The following DIP2C variants were observed in gnomAD, a reference collection of about 807,000 sequenced individuals.
The protein encoded by DIP2C is disco-interacting protein 2 homolog C.
Under a neutral mutation model 192.4 loss-of-function variants are expected in DIP2C, and 33 were observed. The observed-to-expected ratio is 0.17, with a 90% CI of 0.13 to 0.23. The LOEUF (loss-of-function observed/expected upper bound fraction) is 0.23, where lower values mean the gene tolerates loss of function less well. Ranked by LOEUF, DIP2C falls within the 10% of genes least tolerant of loss-of-function variation. The pLI, the probability that DIP2C is intolerant of heterozygous loss-of-function variation, is 1.00. For missense variants in DIP2C, 1,537 were observed against 2,110.1 expected (o/e 0.73, Z 5.32); for synonymous variants, 979 against 864.1 (o/e 1.13, Z -2.33).
At chr10:484,102 C>T (rs955525964) in intron 2 of DIP2C, among the ~76,000 whole-genome samples, 5 of 152,220 alleles carry the variant, frequency 3.3e-5, no homozygotes, top group African/African-American at 1.2e-4. Context: ...AGCCACCACC[C>T]CCGGCCTTGT....
At chr10:341,571 G>A (rs574606038) in intron 28 of DIP2C, among the ~76,000 whole-genome samples, 8 of 150,916 alleles carry the variant, frequency 5.3e-5, no homozygotes, top group African/African-American at 7.3e-5. Flanking sequence ...TGAACGCATC[G>A]GGCCTGACAC....
At chr10:427,054 A>G (rs1329648427) in intron 4 of DIP2C, among the ~76,000 whole-genome samples, 1 of 152,248 alleles carries the variant, frequency 6.6e-6, no homozygotes, top group Non-Finnish European at 1.5e-5. Flanking sequence ...AGCTAATGTA[A>G]TAAATTACCT....
At chr10:560,587 ATAACT>A (rs1273574752) in intron 1 of DIP2C, among the ~76,000 whole-genome samples, 5 of 152,216 alleles carry the variant, frequency 3.3e-5, no homozygotes, top group Admixed American at 2.0e-4. Flanking sequence ...CTGTTTGCTG[ATAACT>A]TAATAATTAA....
At chr10:299,037 G>C (rs986104952) in intron 32 of DIP2C, among the ~76,000 whole-genome samples, 1 of 152,212 alleles carries the variant, frequency 6.6e-6, no homozygotes, top group Non-Finnish European at 1.5e-5. Context: ...TAGTAAGCTT[G>C]CAAGAATGAA....
chr10:309,194 G>A (rs142973640), intron 32 of DIP2C, among the ~76,000 whole-genome samples: 1 of 152,056 alleles, frequency 6.6e-6, no homozygotes, highest in African/African-American at 2.4e-5. Flanking sequence ...TGGCATCTTA[G>A]TGGGTCCTCC....
chr10:346,467 AT>A (rs1958462780), intron 26 of DIP2C, among the ~76,000 whole-genome samples: 2 of 99,866 alleles, frequency 2.0e-5, no homozygotes, highest in Non-Finnish European at 1.9e-5. Flanking sequence ...ACCCAGACAC[AT>A]CGCGCATAGT....
chr10:526,959 A>AC (rs1847091661), intron 1 of DIP2C, among the ~76,000 whole-genome samples: 1 of 152,080 alleles, frequency 6.6e-6, no homozygotes, highest in Non-Finnish European at 1.5e-5. Context: ...CTGTTTAGAA[A>AC]CCACACACTT....
intron 1 of DIP2C, among the ~76,000 whole-genome samples, chr10:548,163 AT>A (rs1253596804): frequency 6.9e-6 from 1 of 144,256 alleles, no homozygotes; most frequent in East Asian, 2.1e-4. Flanking sequence ...TAAAACAAGG[AT>A]TCCTGGAAGC....
chr10:292,630 C>T (rs147818461), intron 32 of DIP2C, among the ~76,000 whole-genome samples: 73 of 152,364 alleles, frequency 4.8e-4, no homozygotes, highest in Middle Eastern at 6.8e-3. Flanking sequence ...GGAACGAATG[C>T]ATGGCTGTCA....
intron 29 of DIP2C, among the ~76,000 whole-genome samples, chr10:338,677 TG>T (rs1564578645): frequency 1.3e-5 from 2 of 152,290 alleles, no homozygotes; most frequent in East Asian, 3.9e-4. Flanking sequence ...CTGGCCGCAC[TG>T]ATTTCTAATT....
intron 26 of DIP2C, among the ~76,000 whole-genome samples, chr10:347,756 T>C (rs71492994): frequency 1.1e-4 from 7 of 66,370 alleles, no homozygotes; most frequent in Admixed American, 3.7e-4. Context: ...AAACCCTACA[T>C]ACACCCAACC....
chr10:672,395 T>C (rs1298772022), intron 1 of DIP2C, among the ~76,000 whole-genome samples: 3 of 152,180 alleles, frequency 2.0e-5, no homozygotes, highest in African/African-American at 7.2e-5. Context: ...GTCCCGGCCA[T>C]GCACTGTCCA....
intron 1 of DIP2C, chr10:662,803 T>C (rs1263467290): frequency 8.4e-6 from 6 of 714,326 alleles, no homozygotes; most frequent in Non-Finnish European, 1.6e-5. Flanking sequence ...GAACCAAAAC[T>C]GTGGCAGGCC....
intron 33 of DIP2C, 23 bp downstream of exon 33, chr10:288,341 G>T: frequency 6.2e-7 from 1 of 1,609,556 alleles, no homozygotes; most frequent in Non-Finnish European, 8.5e-7. Flanking sequence ...ACAGAAATGC[G>T]TGCCTCTTCC....
chr10:493,657 C>A (rs1479799434), intron 1 of DIP2C, among the ~76,000 whole-genome samples: 6 of 152,146 alleles, frequency 3.9e-5, no homozygotes, highest in African/African-American at 1.2e-4. Context: ...GAGGGAGAGA[C>A]CCCCTCAGAG....
At chr10:433,394 G>A (rs1488069483) in intron 4 of DIP2C, among the ~76,000 whole-genome samples, 1 of 152,136 alleles carries the variant, frequency 6.6e-6, no homozygotes, top group Non-Finnish European at 1.5e-5. Flanking sequence ...TAAAATTAGT[G>A]TTGGCTGGGC....
At chr10:478,731 A>C (rs1223303221) in intron 2 of DIP2C, among the ~76,000 whole-genome samples, 1 of 151,502 alleles carries the variant, frequency 6.6e-6, no homozygotes, top group African/African-American at 2.4e-5. Flanking sequence ...CTGGGGGTGT[A>C]GACACATCCA....
intron 17 of DIP2C, among the ~76,000 whole-genome samples, chr10:382,145 T>A (rs1962426397): frequency 6.6e-6 from 1 of 152,208 alleles, no homozygotes; most frequent in African/African-American, 2.4e-5. Flanking sequence ...GCACTCTGAA[T>A]TTACCTACTT....
intron 10 of DIP2C, among the ~76,000 whole-genome samples, chr10:398,343 T>C (rs1313775047): frequency 6.6e-6 from 1 of 152,238 alleles, no homozygotes; most frequent in Non-Finnish European, 1.5e-5. Context: ...TTCAGGGCTT[T>C]AGATAAACTC....
Sources: gnomAD v4.1 joint callset for allele counts (sites outside exome capture counted in the v4.1 genomes callset) on GRCh38, gnomAD v4.1.1 for gene constraint, MANE v1.5 for transcripts, NCBI Gene and HGNC (gene_info 2026-07-23, HGNC 2026-07-21) for gene names.